The following FER variants were observed in gnomAD, a reference collection of about 807,000 sequenced individuals.
FER encodes the protein FER tyrosine kinase.
Under a neutral mutation model 111.0 loss-of-function variants are expected in FER, and 63 were observed. That is an observed-to-expected ratio of 0.57 (90% CI 0.46 to 0.70). The LOEUF (loss-of-function observed/expected upper bound fraction) is 0.70. Among genes scored for constraint, FER ranks in the 30% least tolerant of loss-of-function variants. The probability of loss-of-function intolerance (pLI) is 0.00; values close to 1 mark genes in which losing one functional copy is unlikely to be tolerated. For synonymous variants in FER, 327 were observed against 313.9 expected (o/e 1.04, Z -0.44); for missense variants, 914 against 954.0 (o/e 0.96, Z 0.55).
At chr5:108,773,757 T>G (rs1753180368) in intron 2 of FER, among the ~76,000 whole-genome samples, 1 of 152,120 alleles carries the variant, frequency 6.6e-6, no homozygotes, top group Non-Finnish European at 1.5e-5. Context: ...TCTAGGTCTT[T>G]GAGGAATCGC....
At chr5:109,020,624 C>T (rs570258742) in intron 13 of FER, among the ~76,000 whole-genome samples, 21 of 152,022 alleles carry the variant, frequency 1.4e-4, no homozygotes, top group Middle Eastern at 6.8e-3. Flanking sequence ...TGATGGATGA[C>T]AAAGATTAAT....
At chr5:108,766,642 A>G (rs544589211) in intron 1 of FER, among the ~76,000 whole-genome samples, 12 of 152,346 alleles carry the variant, frequency 7.9e-5, no homozygotes, top group Non-Finnish European at 7.3e-5. Flanking sequence ...AATATGCCTG[A>G]CATACTGTGT....
intron 5 of FER, among the ~76,000 whole-genome samples, chr5:108,847,358 G>A (rs180952361): frequency 1.3e-3 from 191 of 151,444 alleles, no homozygotes; most frequent in African/African-American, 3.7e-3. Context: ...ATTTAATTTC[G>A]TTGTGGTCTG....
At chr5:109,152,756 C>G (rs980316061) in intron 17 of FER, among the ~76,000 whole-genome samples, 42 of 151,868 alleles carry the variant, frequency 2.8e-4, no homozygotes, top group African/African-American at 9.9e-4. Flanking sequence ...AAAGCAAAGC[C>G]CTTTCAGGGG....
intron 3 of FER, among the ~76,000 whole-genome samples, chr5:108,799,846 C>CTTT (rs112192717): frequency 7.2e-6 from 1 of 138,950 alleles, no homozygotes; most frequent in Non-Finnish European, 1.6e-5. Context: ...CTTTTCTTTT[C>CTTT]TTTTTTTTTT....
intron 6 of FER, among the ~76,000 whole-genome samples, chr5:108,870,131 T>C (rs1384558911): frequency 6.6e-6 from 1 of 152,130 alleles, no homozygotes; most frequent in Admixed American, 6.6e-5. Flanking sequence ...TTGAGACATA[T>C]AATGGTTTCT....
At chr5:108,857,447 A>G (rs1042854145) in intron 5 of FER, among the ~76,000 whole-genome samples, 1 of 152,106 alleles carries the variant, frequency 6.6e-6, no homozygotes, top group South Asian at 2.1e-4. Flanking sequence ...TAATTTGATC[A>G]TTGGAGTAAG....
chr5:108,751,686 CTTT>C (rs1195743826), intron 1 of FER, among the ~76,000 whole-genome samples: 1 of 152,056 alleles, frequency 6.6e-6, no homozygotes, highest in Non-Finnish European at 1.5e-5. Context: ...CAAAGGTGAA[CTTT>C]TTTTAGTAGA....
intron 3 of FER, among the ~76,000 whole-genome samples, chr5:108,826,896 G>A (rs1759530736): frequency 6.6e-6 from 1 of 152,112 alleles, no homozygotes; most frequent in African/African-American, 2.4e-5. Flanking sequence ...TCAATTCAGG[G>A]ATTCCACAGG....
intron 16 of FER, among the ~76,000 whole-genome samples, chr5:109,056,481 A>T (rs1773663734): frequency 6.6e-6 from 1 of 152,132 alleles, no homozygotes; most frequent in Non-Finnish European, 1.5e-5. Context: ...AGAAATGAAA[A>T]TATTACATAT....
At chr5:108,756,823 C>T (rs1580382790) in intron 1 of FER, among the ~76,000 whole-genome samples, 1 of 152,164 alleles carries the variant, frequency 6.6e-6, no homozygotes, top group South Asian at 2.1e-4. Flanking sequence ...TTTTTCTCCC[C>T]TCCTCAACAT....
chr5:109,139,852 A>G (rs1753333287), intron 17 of FER, among the ~76,000 whole-genome samples: 1 of 139,158 alleles, frequency 7.2e-6, no homozygotes, highest in African/African-American at 2.7e-5. Flanking sequence ...ATGGGCAGCC[A>G]GTTAGCTGAC....
rs577928960 is a variant in FER, at chr5:109,039,456, A to G, written c.1713+1978A>G. On this transcript the variant is annotated intron_variant, in intron 14 of 19. Coordinates refer to ENST00000281092, the MANE Select transcript of FER (RefSeq NM_005246.4). ...TAGGAGGAGAAGATAAACAATAAGC[A>G]TAATAAATAGGTAAATTTTATAATG... Among the ~76,000 whole-genome samples, 30 of 152,316 alleles carry G rather than the reference A, an allele frequency of 2.0e-4. No individual in the cohort carries two copies. In the South Asian group the frequency reaches 6.2e-3, roughly 32 times the overall value.
chr5:108,822,391 T>C (rs185374137), intron 3 of FER, among the ~76,000 whole-genome samples: 199 of 152,336 alleles, frequency 1.3e-3, no homozygotes, highest in African/African-American at 4.3e-3. Flanking sequence ...TTATTTAGCT[T>C]ATAGTTCTGT....
chr5:109,146,265 TA>T (rs1268597732), intron 17 of FER, among the ~76,000 whole-genome samples: 6 of 87,276 alleles, frequency 6.9e-5, no homozygotes, highest in South Asian at 3.5e-4. Flanking sequence ...TATATATATA[TA>T]TATATATATA....
intron 1 of FER, chr5:108,748,594 G>GCGGCACAAACGCGCAGACCT (rs1750042099): frequency 6.6e-6 from 1 of 152,376 alleles, no homozygotes; most frequent in Non-Finnish European, 1.5e-5. Flanking sequence ...GGCGGGGAGA[G>GCGGCACAAACGCGCAGACCT]CGGCACAAAC....
chr5:109,104,147 G>C (rs567168984), intron 17 of FER, among the ~76,000 whole-genome samples: 2 of 152,270 alleles, frequency 1.3e-5, no homozygotes, highest in African/African-American at 4.8e-5. Context: ...ATGTTTGGTT[G>C]CTCTAACACA....
chr5:109,162,793 G>A (rs1756122544), intron 17 of FER, among the ~76,000 whole-genome samples: 1 of 152,036 alleles, frequency 6.6e-6, no homozygotes, highest in Non-Finnish European at 1.5e-5. Context: ...AAAAATAACA[G>A]ATTCACACAA....
chr5:108,910,367 G>T (rs1404429887), intron 10 of FER, among the ~76,000 whole-genome samples: 1 of 152,070 alleles, frequency 6.6e-6, no homozygotes, highest in African/African-American at 2.4e-5. Flanking sequence ...CAACAAGAAT[G>T]GGTACAGTGG....
Sources: gnomAD v4.1 joint callset for allele counts (sites outside exome capture counted in the v4.1 genomes callset) on GRCh38, gnomAD v4.1.1 for gene constraint, MANE v1.5 for transcripts, NCBI Gene and HGNC (gene_info 2026-07-23, HGNC 2026-07-21) for gene names.